The following MYO15B variants were observed in gnomAD, a reference collection of about 807,000 sequenced individuals.
The protein encoded by MYO15B is myosin XVB pseudogene.
Under a neutral mutation model 119.3 loss-of-function variants are expected in MYO15B, and 207 were observed. That is an observed-to-expected ratio of 1.73 (90% CI 1.55 to 1.95). The LOEUF (loss-of-function observed/expected upper bound fraction) is 1.95. Ranked by LOEUF, MYO15B falls within the 30% of genes most tolerant of loss-of-function variation. MYO15B has a pLI of 0.00. For missense variants in MYO15B, 2,264 were observed against 1,203.1 expected, an observed-to-expected ratio of 1.88 and a Z score of -13.04; for synonymous variants, 966 against 498.9, an observed-to-expected ratio of 1.94 and a Z score of -12.48.
At chr17:75,603,576 C>T (rs2057427045) in intron 19 of MYO15B, among the ~76,000 whole-genome samples, 1 of 152,254 alleles carries the variant, frequency 6.6e-6, no homozygotes, top group Non-Finnish European at 1.5e-5. Context: ...GATGCCTGGG[C>T]ACCAGAGATG....
intron 9 of MYO15B, 61 bp downstream of exon 9, chr17:75,592,901 G>C (rs1287579124): frequency 3.0e-6 from 2 of 669,762 alleles, no homozygotes; most frequent in Non-Finnish European, 5.5e-6. Context: ...CAGGGCAGTG[G>C]TAATGACGCC....
At chr17:75,613,402 C>T (rs1261353451) in exon 28 of MYO15B, 1 of 674,512 alleles carries the variant, frequency 1.5e-6, no homozygotes, top group Non-Finnish European at 2.7e-6. Context: ...GGCCCACCCC[C>T]CGACCCAGCT....
chr17:75,596,020 TG>T (rs1335205087), intron 12 of MYO15B, among the ~76,000 whole-genome samples: 2 of 152,178 alleles, frequency 1.3e-5, no homozygotes, highest in Non-Finnish European at 2.9e-5. Context: ...CCTGTGTGTG[TG>T]TTTCAAGGGG....
At chr17:75,590,995 G>A (rs1321789709) in exon 3 of MYO15B, 1 of 582,912 alleles carries the variant, frequency 1.7e-6, no homozygotes, top group Non-Finnish European at 3.1e-6. Context: ...TACCACCCCA[G>A]GAAGGCCCTC....
Position 75,590,698 on chromosome 17 carries a change from AG to A in MYO15B, c.2250+10del, listed in dbSNP as rs1364404405. The A allele has an allele frequency of 5.5e-6, 1 of 183,234 alleles. No homozygotes were observed. Among genetic ancestry groups the A allele is most frequent in the Non-Finnish European group, 1.1e-5 (1 of 88,928 alleles). 11.4% of individuals were successfully genotyped at this position (183,234 alleles called of 1,614,324 possible). A position where few individuals can be genotyped will look rare whatever the true frequency, so the allele number is the denominator to read the frequency against. On this transcript the variant is annotated intron_variant, in intron 2 of 63. Coordinates refer to ENST00000645453, the Ensembl canonical transcript of MYO15B. Reference sequence around the variant, plus strand: ...ACCTGGGCCGTATCTATGTATGGGGAGCCACGGGGACGGACAGTGGGCGGGG... The same window carrying A: ...ACCTGGGCCGTATCTATGTATGGGGACCACGGGGACGGACAGTGGGCGGGG...
chr17:75,621,653 T>C (rs902012568), intron 52 of MYO15B, 83 bp downstream of exon 52: 2 of 661,416 alleles, frequency 3.0e-6, no homozygotes, highest in Non-Finnish European at 5.6e-6. Context: ...CCTTGAGCTC[T>C]GCCTGGCTCT....
At chr17:75,619,564 C>T (rs820147) in intron 45 of MYO15B, 88 bp downstream of exon 45, 198,062 of 682,110 alleles carry the variant, frequency 0.29, 30,293 homozygotes, top group Middle Eastern at 0.36. Context: ...GCAGGAGAGC[C>T]GGGGAGCAGA....
At chr17:75,620,630 C>T in exon 49 of MYO15B, 1 of 699,688 alleles carries the variant, frequency 1.4e-6, no homozygotes, top group Non-Finnish European at 2.6e-6. Flanking sequence ...GGGACAGGGC[C>T]TCAGAGGTGA....
At position 75,602,542 on chromosome 17, in the gene MYO15B, G is replaced by A. The variant is rs537795996; in HGVS notation, c.3677G>A (p.Arg1226Gln). 249 of 700,148 alleles carry A rather than the reference G, an allele frequency of 3.6e-4. 2 individuals are homozygous for A. The highest frequency in any genetic ancestry group is 3.0e-3 in the South Asian group (204 of 67,204). 43.4% of individuals were successfully genotyped at this position (700,148 alleles called of 1,614,324 possible). A position where few individuals can be genotyped will look rare whatever the true frequency, so the allele number is the denominator to read the frequency against. Residue 1226 changes from arginine (R) to glutamine (Q), a missense_variant, in exon 16 of 64, where the codon CGG (arginine) becomes CAG (glutamine). By Grantham distance (43) the Arg-to-Gln change is conservative. Coordinates refer to ENST00000645453, the Ensembl canonical transcript of MYO15B. ...GTTCACAAGTTTTTAAACAGAAACC[G>A]GGATCAGCTGGACCCTGCTGTGGTG...
At position 75,625,664 on chromosome 17, in the gene MYO15B, G is replaced by C. The variant is rs969295539; in HGVS notation, c.8938+4G>C. ...GAAGCACAGATCAGCTTCATTGGTG[G>C]GTCTGGGACTAGGGGACCGCTGGGT... On this transcript the variant is annotated splice_donor_region_variant and intron_variant, in intron 61 of 63. Transcript: ENST00000645453. 7.1e-6 allele frequency: 5 copies of C among 702,968 alleles called. No individual in the cohort carries two copies. The highest frequency in any genetic ancestry group is 1.3e-5 in the Non-Finnish European group (5 of 385,006). The allele number at this position is 702,968 out of a possible 1,614,324, so 43.5% of individuals were successfully genotyped here. A position where few individuals can be genotyped will look rare whatever the true frequency, so the allele number is the denominator to read the frequency against.
rs1222361528 is a variant in MYO15B, at chr17:75,592,259, TG to T, written c.2674del (p.Val892CysfsTer34). 4 of 702,768 alleles carry T rather than the reference TG, an allele frequency of 5.7e-6. No homozygotes were observed. In the African/African-American group the frequency reaches 7.0e-5, roughly 12 times the overall value. 43.5% of individuals were successfully genotyped at this position (702,768 alleles called of 1,614,324 possible). On this transcript the variant is annotated frameshift_variant, in exon 7 of 64. Coordinates refer to ENST00000645453, the Ensembl canonical transcript of MYO15B. LOFTEE classifies it high-confidence loss of function. ...ACAGAGGGGTCATCGTGGGAGCCTC[TG>T]TGTCTCATTATCTACTTGAGACCTC...
At chr17:75,615,020 C>T (rs1303774113) in exon 33 of MYO15B, 1 of 702,980 alleles carries the variant, frequency 1.4e-6, no homozygotes, top group East Asian at 2.7e-5. Flanking sequence ...CCATTGGGCC[C>T]ACACAGCAGG....
At chr17:75,602,334 G>A (rs1466106666) in intron 15 of MYO15B, 183 bp from the exon 16 acceptor site, 1 of 696,818 alleles carries the variant, frequency 1.4e-6, no homozygotes, top group Middle Eastern at 2.3e-4. Flanking sequence ...ACCTGTCCAT[G>A]GGGTGGAATG....
At chr17:75,613,525 C>T in intron 28 of MYO15B, 54 bp downstream of exon 28, 1 of 655,490 alleles carries the variant, frequency 1.5e-6, no homozygotes, top group Non-Finnish European at 2.7e-6. Flanking sequence ...GCCAGCCCTA[C>T]CCCTTTGCCC....
rs756034754 is a variant in MYO15B, at chr17:75,609,209, CT to C, written c.4293-943del. ...TTACTTTTTAATAAGTTCTGCTGCT[CT>C]TTTTTTTTTTTTTGCAAGATAGGGT... On this transcript the variant is annotated intron_variant, in intron 21 of 63. Transcript: ENST00000645453. Among the ~76,000 whole-genome samples the C allele has an allele frequency of 4.8e-3, 684 of 141,266 alleles. 2 individuals carry two copies. Among genetic ancestry groups the C allele is most frequent in the Middle Eastern group, 0.011 (3 of 270 alleles). The allele number at this position is 141,266 out of a possible 152,430, so 92.7% of individuals were successfully genotyped here.
intron 21 of MYO15B, among the ~76,000 whole-genome samples, chr17:75,608,157 C>T (rs563210377): frequency 6.6e-6 from 1 of 152,138 alleles, no homozygotes; most frequent in East Asian, 1.9e-4. Flanking sequence ...CTCGCTCTGT[C>T]ACCCAGGCTG....
At chr17:75,605,390 T>C in intron 19 of MYO15B, 114 bp from the exon 20 acceptor site, 1 of 608,786 alleles carries the variant, frequency 1.6e-6, no homozygotes, top group Non-Finnish European at 2.9e-6. Flanking sequence ...TGAGCCGAGA[T>C]CGCGCCACTG....
chr17:75,612,722 G>A (rs2058103777), intron 25 of MYO15B, 76 bp from the exon 26 acceptor site: 1 of 692,900 alleles, frequency 1.4e-6, no homozygotes, highest in Non-Finnish European at 2.6e-6. Context: ...CTCTCCCGAG[G>A]TGCCTGCTCC....
chr17:75,594,977 C>T lies in MYO15B; in HGVS notation c.3297+5C>T, dbSNP rs1431355175. The T allele has an allele frequency of 1.4e-6, 1 of 702,876 alleles. No individual in the cohort carries two copies. The highest frequency in any genetic ancestry group is 1.5e-5 in the South Asian group (1 of 67,606). 43.5% of individuals were successfully genotyped at this position (702,876 alleles called of 1,614,324 possible). On this transcript the variant is annotated splice_donor_5th_base_variant and intron_variant, in intron 12 of 63. Transcript: ENST00000645453. ...GTGGATGCCTACGGCTTTGAGGTCA[C>T]CCCTTGGGGTGGGGCCCAGGAAAGG... is the stretch of plus-strand genomic sequence containing the variant.
Sources: gnomAD v4.1 joint callset for allele counts (sites outside exome capture counted in the v4.1 genomes callset) on GRCh38, gnomAD v4.1.1 for gene constraint, MANE v1.5 for transcripts, NCBI Gene and HGNC (gene_info 2026-07-23, HGNC 2026-07-21) for gene names.